COL21A1: variants seen among roughly 807,000 people sequenced by gnomAD.
COL21A1 encodes the protein collagen alpha-1(XXI) chain.
COL21A1 carries 149 observed loss-of-function variants against 137.9 expected under a neutral mutation model. The ratio of observed to expected loss-of-function variants is 1.08; its 90% CI spans 0.95 to 1.24. The LOEUF (loss-of-function observed/expected upper bound fraction) is 1.24, where lower values mean the gene tolerates loss of function less well. COL21A1 is among the 50% of genes most tolerant of loss of function. The pLI is 0.00. For synonymous variants in COL21A1, 456 were observed against 391.5 expected (o/e 1.16, Z -1.95); for missense variants, 1,167 against 1,158.4 (o/e 1.01, Z -0.11).
At position 56,057,791 on chromosome 6, in the gene COL21A1, G is replaced by C. The variant is rs1329953487; in HGVS notation, c.2740C>G (p.Leu914Val). The change falls in exon 30 of 30, where the codon CTC (leucine) becomes GTC (valine). Residue 914 changes from leucine (L) to valine (V), a missense_variant. Transcript: ENST00000244728. ...CCATGGTCTCCATCTTTGCCAGGGA[G>C]ACCTGGGTCTCCTGGAGGACCTTCT... The part of the protein sequence containing the change: ...SKEGPPGDPG[L>V]PGKDGDHGKP... 6 of 1,602,874 alleles carry C rather than the reference G, an allele frequency of 3.7e-6. No individual in the cohort carries two copies.
intron 20 of COL21A1, among the ~76,000 whole-genome samples, chr6:56,071,616 T>G (rs1349103833): frequency 1.3e-5 from 2 of 151,588 alleles, no homozygotes; most frequent in Non-Finnish European, 3.0e-5. Context: ...TTTTGTAGGC[T>G]GCTCATGGTA....
intron 3 of COL21A1, among the ~76,000 whole-genome samples, chr6:56,177,531 C>T (rs1044652055): frequency 5.3e-5 from 8 of 152,088 alleles, no homozygotes; most frequent in Non-Finnish European, 1.0e-4. Context: ...CGGTGGCTCA[C>T]GCCTGTAATC....
intron 1 of COL21A1, among the ~76,000 whole-genome samples, chr6:56,330,338 C>T (rs897519371): frequency 6.6e-6 from 1 of 151,928 alleles, no homozygotes; most frequent in African/African-American, 2.4e-5. Flanking sequence ...CATTTTTAAA[C>T]ACTAAAAACG....
chr6:56,234,850 G>A (rs928048543), intron 1 of COL21A1, among the ~76,000 whole-genome samples: 1 of 151,564 alleles, frequency 6.6e-6, no homozygotes, highest in Admixed American at 6.6e-5. Context: ...TGGCCTTTTG[G>A]TTTTTGGCAG....
At chr6:56,189,193 C>A (rs1272930096) in intron 1 of COL21A1, among the ~76,000 whole-genome samples, 1 of 151,782 alleles carries the variant, frequency 6.6e-6, no homozygotes, top group East Asian at 1.9e-4. Flanking sequence ...CATGTTCTAA[C>A]CCAATGTAAG....
At chr6:56,262,376 CTTTATA>C (rs1193246324) in intron 1 of COL21A1, among the ~76,000 whole-genome samples, 5 of 152,068 alleles carry the variant, frequency 3.3e-5, no homozygotes, top group Non-Finnish European at 5.9e-5. Context: ...GTTCTGAGCA[CTTTATA>C]TTTATATTTA....
At chr6:56,285,986 G>A (rs546214915) in intron 1 of COL21A1, among the ~76,000 whole-genome samples, 1 of 151,622 alleles carries the variant, frequency 6.6e-6, no homozygotes, top group Admixed American at 6.6e-5. Context: ...CCTTTTATAC[G>A]GGCAGTTAAT....
At chr6:56,105,897 A>T (rs914981700) in intron 16 of COL21A1, among the ~76,000 whole-genome samples, 1 of 152,152 alleles carries the variant, frequency 6.6e-6, no homozygotes. Flanking sequence ...TATTTCAACC[A>T]CTTTCTAACT....
chr6:56,065,549 G>A (rs1270291797), intron 23 of COL21A1, among the ~76,000 whole-genome samples: 1 of 151,934 alleles, frequency 6.6e-6, no homozygotes, highest in Non-Finnish European at 1.5e-5. Context: ...ACTTAGGAAG[G>A]GGCATCTGAC....
At chr6:56,191,087 A>G (rs535555329) in intron 1 of COL21A1, among the ~76,000 whole-genome samples, 1 of 152,308 alleles carries the variant, frequency 6.6e-6, no homozygotes, top group African/African-American at 2.4e-5. Flanking sequence ...TCAACATAGT[A>G]TTGGAACTTC....
chr6:56,098,640 TATATATAA>T (rs1770064177), intron 17 of COL21A1, among the ~76,000 whole-genome samples: 4 of 55,646 alleles, frequency 7.2e-5, no homozygotes, highest in Admixed American at 3.0e-4. Context: ...TATATATAAA[TATATATAA>T]ATATATAAAT....
chr6:56,089,244 A>G (rs1164641733), intron 17 of COL21A1, among the ~76,000 whole-genome samples: 1 of 152,230 alleles, frequency 6.6e-6, no homozygotes, highest in South Asian at 2.1e-4. Flanking sequence ...ACAGTAATAC[A>G]ATATGCACTA....
chr6:56,087,479 T>C (rs1768376139), intron 17 of COL21A1, among the ~76,000 whole-genome samples: 1 of 152,176 alleles, frequency 6.6e-6, no homozygotes. Flanking sequence ...TTGTCTAATA[T>C]CAAAAGAACT....
At chr6:56,250,779 A>G (rs1004710632), upstream of COL21A1, among the ~76,000 whole-genome samples, 1 of 152,236 alleles carries the variant, frequency 6.6e-6, no homozygotes, top group African/African-American at 2.4e-5. Flanking sequence ...AAACCCATAT[A>G]TTCTAGCAAG....
intron 17 of COL21A1, among the ~76,000 whole-genome samples, chr6:56,099,722 C>A (rs1325872039): frequency 6.6e-6 from 1 of 151,958 alleles, no homozygotes; most frequent in South Asian, 2.1e-4. Context: ...GAAACAATAA[C>A]ATAAACAAAT....
rs573464995 is a variant in COL21A1, at chr6:56,319,648, T to C, written c.-39+74323A>G. On this transcript the variant is annotated intron_variant, in intron 1 of 28. Transcript: ENST00000370819. ...CCACTGGGCCCGGCCTTTTTGTACA[T>C]TTTTGAGTAAATTGATTAGTTGGCA... Among the ~76,000 whole-genome samples, 134 of 152,308 alleles carry C rather than the reference T, an allele frequency of 8.8e-4. 2 individuals are homozygous for C. In the South Asian group the frequency reaches 0.01, roughly 12 times the overall value.
At chr6:56,299,777 A>G (rs1157133026) in intron 1 of COL21A1, among the ~76,000 whole-genome samples, 1 of 152,028 alleles carries the variant, frequency 6.6e-6, no homozygotes, top group Non-Finnish European at 1.5e-5. Context: ...GAAGGTCTCT[A>G]TGTTCCTTCT....
intron 1 of COL21A1, among the ~76,000 whole-genome samples, chr6:56,371,603 G>A (rs1218364970): frequency 6.6e-6 from 1 of 152,150 alleles, no homozygotes. Context: ...GGCAGTTTGA[G>A]TAGAGGGGCC....
At chr6:56,190,120 CA>C (rs1367376298) in intron 1 of COL21A1, among the ~76,000 whole-genome samples, 1 of 151,926 alleles carries the variant, frequency 6.6e-6, no homozygotes, top group Admixed American at 6.6e-5. Flanking sequence ...AATAGAGACA[CA>C]AAAAACCCTT....
Sources: allele counts gnomAD v4.1 joint callset (sites outside exome capture counted in the v4.1 genomes callset), GRCh38; gene constraint gnomAD v4.1.1; transcripts MANE v1.5; gene names NCBI Gene and HGNC (gene_info 2026-07-23, HGNC 2026-07-21).